The following CAPN6 variants were observed in gnomAD, a reference collection of about 807,000 sequenced individuals.
CAPN6 encodes the protein calpain 6.
Under a neutral mutation model 46.0 loss-of-function variants are expected in CAPN6, and 16 were observed. The ratio of observed to expected loss-of-function variants is 0.35; its 90% CI spans 0.24 to 0.53. CAPN6 has a LOEUF of 0.53. CAPN6 is among the 20% of genes least tolerant of loss of function. The pLI is 0.94. For synonymous variants in CAPN6, 206 were observed against 172.8 expected, an observed-to-expected ratio of 1.19 and a Z score of -1.51; for missense variants, 461 against 498.0, an observed-to-expected ratio of 0.93 and a Z score of 0.71.
Position 111,263,911 on chromosome X carries a change from T to C in CAPN6, c.26A>G (p.Lys9Arg). MGPPLKLF[K>R]NQKYQELKQE... ...CTTCAGTTCCTGGTATTTCTGGTTT[T>C]TGAAGAGCTTCAGAGGAGGACCCAT... The change falls in exon 2 of 13, where the codon AAA becomes AGA. Residue 9 changes from lysine (K) to arginine (R), a missense_variant. Physicochemically the swap from Lys to Arg is conservative, Grantham distance 26 (BLOSUM62 2). Coordinates refer to ENST00000324068, the MANE Select transcript of CAPN6 (RefSeq NM_014289.4). 1 of 1,206,445 alleles carries C rather than the reference T, an allele frequency of 8.3e-7. No individual in the cohort carries two copies. The highest frequency in any genetic ancestry group is 1.1e-6 in the Non-Finnish European group (1 of 893,042).
At chrX:111,267,627 C>G (rs1333321546) in intron 1 of CAPN6, among the ~76,000 whole-genome samples, 1 of 111,351 alleles carries the variant, frequency 9.0e-6, no homozygotes. Flanking sequence ...ATATTTTGCT[C>G]TAAAAAAATC....
intron 8 of CAPN6, 30 bp downstream of exon 8, chrX:111,250,887 T>C (rs1419075236): frequency 8.4e-6 from 10 of 1,185,451 alleles, no homozygotes; most frequent in Admixed American, 2.2e-5. Context: ...ACTGGATAAC[T>C]TTGAGGCAAA....
At chrX:111,246,780 A>G (rs1292937547) in intron 12 of CAPN6, 21 bp from the exon 13 acceptor site, 10 of 1,172,293 alleles carry the variant, frequency 8.5e-6, no homozygotes, top group African/African-American at 1.7e-5. Context: ...AAACGAAGGG[A>G]GTGAAGATGA....
At chrX:111,266,162 A>C (rs2094991682) in intron 1 of CAPN6, among the ~76,000 whole-genome samples, 1 of 97,863 alleles carries the variant, frequency 1.0e-5, no homozygotes, top group African/African-American at 4.0e-5. Flanking sequence ...AGTGACCTTC[A>C]TGTGGAGGTT....
At chrX:111,247,557 G>C in intron 11 of CAPN6, 53 bp from the exon 12 acceptor site, 1 of 1,137,860 alleles carries the variant, frequency 8.8e-7, no homozygotes, top group Non-Finnish European at 1.2e-6. Flanking sequence ...TCCTTTTCTA[G>C]ATAGACAAGA....
intron 1 of CAPN6, 45 bp from the exon 2 acceptor site, chrX:111,263,996 G>A (rs971846942): frequency 9.9e-6 from 9 of 905,158 alleles, no homozygotes; most frequent in African/African-American, 2.0e-5. Flanking sequence ...AATTTCTCAG[G>A]TCTTTTAAGG....
At chrX:111,248,464 C>A in intron 10 of CAPN6, 105 bp downstream of exon 10, 1 of 580,321 alleles carries the variant, frequency 1.7e-6, no homozygotes, top group Non-Finnish European at 2.9e-6. Flanking sequence ...CTGATTTAAA[C>A]AAGTTGTCCC....
chrX:111,268,285 C>CA (rs761175619), intron 1 of CAPN6, among the ~76,000 whole-genome samples: 1 of 112,156 alleles, frequency 8.9e-6, no homozygotes, highest in Non-Finnish European at 1.9e-5. Flanking sequence ...AAAAGCAATT[C>CA]AAAATGATAA....
In CAPN6 at chrX:111,245,470, C is replaced by T. The variant is rs1156593834; in HGVS notation, c.*1107G>A. The T allele has an allele frequency of 9.0e-6, 1 of 111,680 alleles. No homozygotes were observed. Among genetic ancestry groups the T allele is most frequent in the Non-Finnish European group, 1.9e-5 (1 of 53,090 alleles). 9.2% of individuals were successfully genotyped at this position (111,680 alleles called of 1,213,427 possible). A position where few individuals can be genotyped will look rare whatever the true frequency, so the allele number is the denominator to read the frequency against. On this transcript the variant is annotated 3_prime_UTR_variant, in exon 13 of 13. Coordinates refer to ENST00000324068, the MANE Select transcript of CAPN6 (RefSeq NM_014289.4). ...ACTGAAAAATGAGAGGGCAAACAAA[C>T]ACCCCCAGCGAGTGAAGCATCCCAA...
chrX:111,252,553 A>G, intron 4 of CAPN6, 54 bp from the exon 5 acceptor site: 1 of 996,679 alleles, frequency 1.0e-6, no homozygotes, highest in South Asian at 2.3e-5. Context: ...CAGGTCAAGA[A>G]CATCATAATC....
chrX:111,251,809 A>G, intron 5 of CAPN6, 67 bp from the exon 6 acceptor site: 1 of 941,166 alleles, frequency 1.1e-6, no homozygotes, highest in Non-Finnish European at 1.5e-6. Flanking sequence ...CCTCTTCTTC[A>G]TTAATTGGCT....
chrX:111,265,277 C>T (rs1276691778), intron 1 of CAPN6, among the ~76,000 whole-genome samples: 3 of 112,405 alleles, frequency 2.7e-5, no homozygotes, highest in African/African-American at 6.5e-5. Flanking sequence ...AAAACCATAA[C>T]AATTTTTAAT....
chrX:111,246,469 A>G lies in CAPN6; in HGVS notation c.*108T>C. On this transcript the variant is annotated 3_prime_UTR_variant, in exon 13 of 13. Transcript: ENST00000324068. ...TATCAGAAGAGAGGAAGAGTTAATT[A>G]TTGTGAATCTCATTCTTTCTAAAGA... The G allele has an allele frequency of 1.5e-6, 1 of 665,428 alleles. No individual in the cohort carries two copies. Among genetic ancestry groups the G allele is most frequent in the Non-Finnish European group, 2.3e-6 (1 of 428,769 alleles). 54.8% of individuals were successfully genotyped at this position (665,428 alleles called of 1,213,427 possible).
At chrX:111,249,556 T>A (rs1207034072) in intron 8 of CAPN6, among the ~76,000 whole-genome samples, 1 of 110,851 alleles carries the variant, frequency 9.0e-6, no homozygotes, top group Non-Finnish European at 1.9e-5. Flanking sequence ...ACTTCCACTT[T>A]AAGGAAGCTA....
At chrX:111,248,865 C>T (rs2094976789) in intron 9 of CAPN6, 70 bp downstream of exon 9, 1 of 1,196,311 alleles carries the variant, frequency 8.4e-7, no homozygotes, top group African/African-American at 1.7e-5. Context: ...CATTCTTCCC[C>T]TACCATTAAA....
At chrX:111,256,350 G>C (rs2094983734) in intron 2 of CAPN6, among the ~76,000 whole-genome samples, 1 of 109,675 alleles carries the variant, frequency 9.1e-6, no homozygotes, top group Non-Finnish European at 1.9e-5. Context: ...AGTGAGCCGA[G>C]ATCACACCAT....
Position 111,263,763 on chromosome X carries a change from G to T in CAPN6, c.165+9C>A, listed in dbSNP as rs747517042. 1 of 1,197,060 alleles carries T rather than the reference G, an allele frequency of 8.4e-7. No homozygotes were observed. The highest frequency in any genetic ancestry group is 3.0e-5 in the East Asian group (1 of 33,484). ...TCAAGGAGACAGAATGTGTAAAATA[G>T]AAAGTTACCTGGGGACGTTTCCACA... On this transcript the variant is annotated intron_variant, in intron 2 of 12. Transcript: ENST00000324068.
intron 8 of CAPN6, 27 bp downstream of exon 8, chrX:111,250,890 G>T (rs755643775): frequency 1.4e-5 from 17 of 1,188,782 alleles, no homozygotes; most frequent in Non-Finnish European, 1.9e-5. Flanking sequence ...GGATAACTTT[G>T]AGGCAAATAA....
intron 1 of CAPN6, among the ~76,000 whole-genome samples, chrX:111,269,619 T>C (rs1299084511): frequency 8.9e-6 from 1 of 112,051 alleles, no homozygotes; most frequent in East Asian, 2.8e-4. Context: ...AAGCCAGTTC[T>C]GATCAAGTGG....
Sources: allele counts gnomAD v4.1 joint callset (sites outside exome capture counted in the v4.1 genomes callset), GRCh38; gene constraint gnomAD v4.1.1; transcripts MANE v1.5; gene names NCBI Gene and HGNC (gene_info 2026-07-23, HGNC 2026-07-21).